Variants in PCDHGA6 observed in about 807,000 individuals in gnomAD.
PCDHGA6 encodes protocadherin gamma-A6.
PCDHGA6 carries 41 observed loss-of-function variants against 60.6 expected under a neutral mutation model. The observed-to-expected ratio is 0.68, with a 90% CI of 0.53 to 0.88. PCDHGA6 has a LOEUF of 0.88. PCDHGA6 is among the 40% of genes least tolerant of loss of function. PCDHGA6 has a pLI of 0.00. For synonymous variants in PCDHGA6, 594 were observed against 524.4 expected, an observed-to-expected ratio of 1.13 and a Z score of -1.81; for missense variants, 1,312 against 1,203.0, an observed-to-expected ratio of 1.09 and a Z score of -1.34.
At chr5:141,498,967 GGGAGGGAAGGAA>G (rs1374222518) in intron 2 of PCDHGA6, among the ~76,000 whole-genome samples, 13 of 129,674 alleles carry the variant, frequency 1.0e-4, no homozygotes, top group South Asian at 5.5e-4. Context: ...GAGGGAGGGA[GGGAGGGAAGGAA>G]GGAAGGAAGG....
intron 1 of PCDHGA6, chr5:141,389,594 T>G (rs1458391866): frequency 1.2e-5 from 19 of 1,613,068 alleles, no homozygotes; most frequent in Non-Finnish European, 1.5e-5. Flanking sequence ...CCGACGGCTC[T>G]GCGCTCTTCG....
At chr5:141,438,649 CACATATATGTAT>C (rs1346265042) in intron 1 of PCDHGA6, among the ~76,000 whole-genome samples, 20 of 100,970 alleles carry the variant, frequency 2.0e-4, no homozygotes, top group Admixed American at 2.1e-4. Flanking sequence ...CACACACACA[CACATATATGTAT>C]ATATATATTT....
chr5:141,460,936 A>G (rs189741735), intron 1 of PCDHGA6, among the ~76,000 whole-genome samples: 31 of 149,318 alleles, frequency 2.1e-4, no homozygotes, highest in Non-Finnish European at 3.8e-4. Flanking sequence ...GTGTGTGTGT[A>G]TATATATGTA....
intron 1 of PCDHGA6, chr5:141,412,074 A>G (rs751287485): frequency 2.0e-5 from 3 of 152,184 alleles, no homozygotes; most frequent in Non-Finnish European, 4.4e-5. Context: ...TGAGGGAACA[A>G]TTGCTACTGG....
intron 1 of PCDHGA6, among the ~76,000 whole-genome samples, chr5:141,436,884 G>T (rs1041906146): frequency 6.6e-6 from 1 of 152,190 alleles, no homozygotes; most frequent in Non-Finnish European, 1.5e-5. Context: ...AAAAGATGGG[G>T]GAAAGATTTT....
chr5:141,399,373 GT>G, intron 1 of PCDHGA6: 1 of 1,613,982 alleles, frequency 6.2e-7, no homozygotes. Context: ...GGAGTACAAT[GT>G]CACCATCACA....
At chr5:141,484,899 T>G (rs1296997337) in intron 1 of PCDHGA6, 9 of 398,498 alleles carry the variant, frequency 2.3e-5, no homozygotes, top group Non-Finnish European at 3.1e-5. Flanking sequence ...TCCCCTCCAA[T>G]GCTGCGACGC....
rs1263406836 is a variant in PCDHGA6 at position 141,491,918 on chromosome 5, G to A, written c.2425-2889G>A. On this transcript the variant is annotated intron_variant, in intron 1 of 3. Coordinates refer to ENST00000517434, the MANE Select transcript of PCDHGA6 (RefSeq NM_018919.3). The surrounding 1 kb of genome is among the most constrained non-coding windows in gnomAD (Gnocchi z 6.9). ...GCACCGGGGGTGGTGGCGACTGTGGGCGAGGGGAGGTGGGACCGACCCCCA... is the reference window on the plus strand; with the variant it reads ...GCACCGGGGGTGGTGGCGACTGTGGACGAGGGGAGGTGGGACCGACCCCCA... 2 of 1,371,698 alleles carry A rather than the reference G, an allele frequency of 1.5e-6. No homozygotes were observed. Among genetic ancestry groups the A allele is most frequent in the Non-Finnish European group, 1.9e-6 (2 of 1,028,962 alleles). 85.0% of individuals were successfully genotyped at this position (1,371,698 alleles called of 1,614,324 possible).
At chr5:141,458,921 C>T (rs1471065767) in intron 1 of PCDHGA6, among the ~76,000 whole-genome samples, 1 of 151,960 alleles carries the variant, frequency 6.6e-6, no homozygotes, top group East Asian at 1.9e-4. Flanking sequence ...TTTGTGGAGA[C>T]GGGGTCTCAC....
Position 141,477,917 on chromosome 5 carries a change from G to C in PCDHGA6, c.2425-16890G>C. 6.2e-7 allele frequency: 1 copy of C among 1,614,186 alleles called. No individual in the cohort carries two copies. The highest frequency in any genetic ancestry group is 2.2e-5 in the East Asian group (1 of 44,868). On this transcript the variant is annotated intron_variant, in intron 1 of 3. Transcript: ENST00000517434. The surrounding 1 kb of genome is among the most constrained non-coding windows in gnomAD (Gnocchi z 4.9). ...GGTGGTAGGCTGGGACGCGGATGCA[G>C]GGCACAATGCCTGGCTCTCCTACAG...
intron 1 of PCDHGA6, chr5:141,409,179 G>T (rs761754962): frequency 1.2e-5 from 20 of 1,613,988 alleles, no homozygotes; most frequent in Non-Finnish European, 1.6e-5. Context: ...GACGGAGGTG[G>T]TCTCTCTACC....
intron 1 of PCDHGA6, chr5:141,389,469 A>G: frequency 6.2e-7 from 1 of 1,613,246 alleles, no homozygotes; most frequent in Non-Finnish European, 8.5e-7. Flanking sequence ...CTTCGAACTC[A>G]CACTGCAGGC....
At chr5:141,409,904 G>A in intron 1 of PCDHGA6, 3 of 1,613,278 alleles carry the variant, frequency 1.9e-6, no homozygotes, top group Non-Finnish European at 2.5e-6. Flanking sequence ...CCCAGCTCTG[G>A]GTCCTGACGG....
intron 1 of PCDHGA6, chr5:141,419,098 G>A (rs993605209): frequency 8.7e-6 from 14 of 1,613,812 alleles, no homozygotes; most frequent in African/African-American, 2.7e-5. Context: ...TGGATCGGGA[G>A]CAGACCCCAG....
In PCDHGA6 at chr5:141,423,390, T is replaced by C. The variant is rs751337994; in HGVS notation, c.2424+46883T>C. ...TGGCACTCAGGCTGTGGCGCTGGCATAAGTCACGCCTGCTGCAGGCTTCTG... is the reference window on the plus strand; with the variant it reads ...TGGCACTCAGGCTGTGGCGCTGGCACAAGTCACGCCTGCTGCAGGCTTCTG... On this transcript the variant is annotated intron_variant, in intron 1 of 3. Coordinates refer to ENST00000517434, the MANE Select transcript of PCDHGA6 (RefSeq NM_018919.3). 2.5e-6 allele frequency: 4 copies of C among 1,614,144 alleles called. No homozygotes were observed. In the South Asian group the frequency reaches 3.3e-5, roughly 13 times the overall value.
At chr5:141,399,720 C>G (rs1217371004) in intron 1 of PCDHGA6, 2 of 1,613,306 alleles carry the variant, frequency 1.2e-6, no homozygotes, top group South Asian at 2.2e-5. Context: ...TACAGGCCCG[C>G]GACCAGGGCT....
intron 1 of PCDHGA6, chr5:141,403,849 G>C (rs1422192604): frequency 6.2e-7 from 1 of 1,613,560 alleles, no homozygotes; most frequent in South Asian, 1.1e-5. Context: ...AAAATACTGG[G>C]GAAATATCAA....
At chr5:141,422,847 C>T (rs1271794821) in intron 1 of PCDHGA6, 2 of 1,614,116 alleles carry the variant, frequency 1.2e-6, no homozygotes, top group Non-Finnish European at 1.7e-6. Context: ...ACAGCGGGGA[C>T]CCGCCCCTCA....
intron 1 of PCDHGA6, chr5:141,410,354 T>C (rs2095384532): frequency 3.7e-6 from 6 of 1,614,048 alleles, no homozygotes; most frequent in Non-Finnish European, 5.1e-6. Context: ...CCTGCGACGC[T>C]CTCTCAGCCC....
Sources: allele counts gnomAD v4.1 joint callset (sites outside exome capture counted in the v4.1 genomes callset), GRCh38; gene constraint gnomAD v4.1.1; non-coding constraint Gnocchi (gnomAD v3.1); transcripts MANE v1.5; gene names NCBI Gene and HGNC (gene_info 2026-07-23, HGNC 2026-07-21).